SPPL3: variants seen among roughly 807,000 people sequenced by gnomAD.
SPPL3 encodes the protein signal peptide peptidase-like 3.
Under a neutral mutation model 42.4 loss-of-function variants are expected in SPPL3, and 5 were observed. The observed-to-expected ratio is 0.12, with a 90% CI of 0.06 to 0.25. The LOEUF is 0.25. Among genes scored for constraint, SPPL3 ranks in the 10% least tolerant of loss-of-function variants. The pLI is 1.00. For synonymous variants in SPPL3, 195 were observed against 181.8 expected (o/e 1.07, Z -0.58); for missense variants, 235 against 489.0 (o/e 0.48, Z 4.90).
At chr12:120,772,608 A>T (rs2136969892) in intron 6 of SPPL3, among the ~76,000 whole-genome samples, 1 of 152,326 alleles carries the variant, frequency 6.6e-6, no homozygotes, top group Non-Finnish European at 1.5e-5. Flanking sequence ...GAACAGATAT[A>T]TTTCATTTTC....
At chr12:120,800,399 G>A (rs1870250753) in intron 2 of SPPL3, among the ~76,000 whole-genome samples, 1 of 151,948 alleles carries the variant, frequency 6.6e-6, no homozygotes, top group African/African-American at 2.4e-5. Context: ...GCTACTCAGG[G>A]GGCTGAGGTA....
At chr12:120,805,605 G>A (rs1176240783) in intron 2 of SPPL3, among the ~76,000 whole-genome samples, 2 of 152,148 alleles carry the variant, frequency 1.3e-5, no homozygotes, top group Non-Finnish European at 2.9e-5. Flanking sequence ...CCTATGTGCA[G>A]AAAATTCTAA....
intron 2 of SPPL3, among the ~76,000 whole-genome samples, chr12:120,802,415 G>GTGTATA (rs1392589535): frequency 1.8e-5 from 2 of 112,656 alleles, no homozygotes; most frequent in East Asian, 2.4e-4. Flanking sequence ...GTGTGTGTGT[G>GTGTATA]TATATATATA....
intron 1 of SPPL3, 119 bp downstream of exon 1, chr12:120,903,726 A>G: frequency 2.0e-6 from 1 of 509,678 alleles, no homozygotes; most frequent in Non-Finnish European, 3.0e-6. Context: ...GTGCACCCCA[A>G]CCCGCGCCCC....
chr12:120,768,644 T>C, intron 7 of SPPL3, 156 bp from the exon 8 acceptor site: 1 of 910,636 alleles, frequency 1.1e-6, no homozygotes. Flanking sequence ...TCTTCCTGTG[T>C]ACTTGCCAAT....
chr12:120,849,795 T>A (rs1324724046), intron 1 of SPPL3, among the ~76,000 whole-genome samples: 3 of 152,190 alleles, frequency 2.0e-5, no homozygotes, highest in Non-Finnish European at 2.9e-5. Flanking sequence ...TTCTCACACA[T>A]ACCCTCCCCC....
At chr12:120,827,377 CAATAAT>C (rs1241649040) in intron 1 of SPPL3, among the ~76,000 whole-genome samples, 2 of 148,594 alleles carry the variant, frequency 1.3e-5, no homozygotes, top group Admixed American at 1.3e-4. Flanking sequence ...ATAATAATAA[CAATAAT>C]AATAATAATA....
chr12:120,811,752 C>T (rs141015333), intron 1 of SPPL3, among the ~76,000 whole-genome samples: 1 of 152,262 alleles, frequency 6.6e-6, no homozygotes, highest in Non-Finnish European at 1.5e-5. Flanking sequence ...GCCAGGCACT[C>T]TGCTAGCCAC....
intron 1 of SPPL3, among the ~76,000 whole-genome samples, chr12:120,870,848 T>G (rs1345852390): frequency 6.6e-6 from 1 of 151,896 alleles, no homozygotes; most frequent in Non-Finnish European, 1.5e-5. Context: ...GGTTGCTGTT[T>G]AATAAGTACA....
At chr12:120,837,459 C>A (rs971898457) in intron 1 of SPPL3, among the ~76,000 whole-genome samples, 1 of 152,164 alleles carries the variant, frequency 6.6e-6, no homozygotes, top group African/African-American at 2.4e-5. Flanking sequence ...AGCTGAAATA[C>A]GTGATATTAA....
chr12:120,890,372 G>C (rs187233538), intron 1 of SPPL3, among the ~76,000 whole-genome samples: 1 of 151,906 alleles, frequency 6.6e-6, no homozygotes, highest in Non-Finnish European at 1.5e-5. Flanking sequence ...GGCAGATCAC[G>C]AGGTCAAGAG....
rs757089807 is a variant in SPPL3, at chr12:120,768,947, G to A, written c.609+6C>T. The A allele has an allele frequency of 1.6e-5, 26 of 1,602,162 alleles. No homozygotes were observed. The highest frequency in any genetic ancestry group is 4.0e-5 in the African/African-American group (3 of 74,806). On this transcript the variant is annotated splice_donor_region_variant and intron_variant, in intron 7 of 10. Coordinates refer to ENST00000353487, the MANE Select transcript of SPPL3 (RefSeq NM_139015.5). ...GGGGAGGAGCTCCAAGGACATAAAC[G>A]CTTACCCAAAAGACATCATAGATGA...
intron 3 of SPPL3, among the ~76,000 whole-genome samples, chr12:120,785,914 C>CAA (rs11307959): frequency 7.9e-4 from 68 of 85,746 alleles, no homozygotes; most frequent in South Asian, 1.9e-3. Context: ...GAGTCCAAGG[C>CAA]AAAAAAAAAA....
chr12:120,777,756 G>A (rs991722076), intron 6 of SPPL3, among the ~76,000 whole-genome samples: 19 of 152,342 alleles, frequency 1.2e-4, no homozygotes, highest in African/African-American at 4.6e-4. Flanking sequence ...TTGCACTTCA[G>A]ACTGCTTATA....
intron 1 of SPPL3, among the ~76,000 whole-genome samples, chr12:120,828,707 C>G (rs371231871): frequency 3.3e-5 from 5 of 152,150 alleles, no homozygotes; most frequent in African/African-American, 1.2e-4. Context: ...CAGAAATTCA[C>G]AAATTTATAA....
At chr12:120,867,782 G>A (rs1353103160) in intron 1 of SPPL3, among the ~76,000 whole-genome samples, 3 of 151,782 alleles carry the variant, frequency 2.0e-5, no homozygotes, top group South Asian at 2.1e-4. Context: ...GTCTCGCTCT[G>A]TTGTCCAGGC....
chr12:120,767,389 C>A lies in SPPL3; in HGVS notation c.973+5G>T. 6.2e-7 allele frequency: 1 copy of A among 1,611,400 alleles called. No individual in the cohort carries two copies. Among genetic ancestry groups the A allele is most frequent in the Middle Eastern group, 2.1e-4 (1 of 4,866 alleles). On this transcript the variant is annotated splice_donor_5th_base_variant and intron_variant, in intron 9 of 10. Coordinates refer to ENST00000353487, the MANE Select transcript of SPPL3 (RefSeq NM_139015.5). ...GATCATCTGCAGTCTCTCTGGTTCT[C>A]TTACCTACAAAGTATCCGATGAGGG...
chr12:120,820,187 C>T (rs1035644565), intron 1 of SPPL3, among the ~76,000 whole-genome samples: 2 of 151,780 alleles, frequency 1.3e-5, no homozygotes, highest in Non-Finnish European at 2.9e-5. Context: ...TTTTGCTATC[C>T]AAAATTTCAA....
intron 2 of SPPL3, among the ~76,000 whole-genome samples, chr12:120,807,601 G>A (rs897359590): frequency 6.6e-6 from 1 of 151,774 alleles, no homozygotes; most frequent in African/African-American, 2.4e-5. Flanking sequence ...TTGAGCCTGG[G>A]AGGCGGAGGT....
Sources: allele counts gnomAD v4.1 joint callset (sites outside exome capture counted in the v4.1 genomes callset), GRCh38; gene constraint gnomAD v4.1.1; transcripts MANE v1.5; gene names NCBI Gene and HGNC (gene_info 2026-07-23, HGNC 2026-07-21).